WDR70: variants seen among roughly 807,000 people sequenced by gnomAD.
The protein encoded by WDR70 is WD repeat-containing protein 70.
A neutral mutation model predicts 88.6 loss-of-function variants in WDR70; 53 were observed. The observed-to-expected ratio is 0.60, with a 90% confidence interval of 0.48 to 0.75. The LOEUF is 0.75. Ranked by LOEUF, WDR70 falls within the 30% of genes least tolerant of loss-of-function variation. The pLI is 0.00. For synonymous variants in WDR70, 280 were observed against 270.0 expected (o/e 1.04, Z -0.36); for missense variants, 610 against 823.2 (o/e 0.74, Z 3.17).
intron 9 of WDR70, among the ~76,000 whole-genome samples, chr5:37,563,052 ACGGGGCGGCTGGCCGGG>A (rs1259407597): frequency 1.0e-5 from 1 of 96,606 alleles, no homozygotes; most frequent in African/African-American, 3.6e-5. Context: ...CACCTCCCGG[ACGGGGCGGCTGGCCGGG>A]CGGGGGGCTG....
At chr5:37,487,827 T>C (rs1320227046) in intron 8 of WDR70, among the ~76,000 whole-genome samples, 4 of 151,650 alleles carry the variant, frequency 2.6e-5, no homozygotes, top group Non-Finnish European at 1.5e-5. Flanking sequence ...GATTTCACCA[T>C]GTTGGCCAGT....
rs542765642 is a variant in WDR70 at position 37,649,621 on chromosome 5, A to G, written c.1092+44383A>G. ...TGCCTCTGGACTATAGATGTGATAC[A>G]AGTATCTTTTCTGATTGTCTCACTG... On this transcript the variant is annotated intron_variant, in intron 10 of 17. Coordinates refer to ENST00000265107, the MANE Select transcript of WDR70 (RefSeq NM_018034.4). Among the ~76,000 whole-genome samples, 5 of 151,694 alleles carry G rather than the reference A, an allele frequency of 3.3e-5. No homozygotes were observed. In the East Asian group the frequency reaches 9.7e-4, roughly 29 times the overall value.
At chr5:37,396,296 T>C (rs976553003) in intron 4 of WDR70, 79 bp from the exon 5 acceptor site, 2 of 1,441,308 alleles carry the variant, frequency 1.4e-6, no homozygotes, top group African/African-American at 2.9e-5. Context: ...AGGAAAAGTA[T>C]CCTGAGAAAT....
At chr5:37,453,755 C>T (rs1244803287) in intron 7 of WDR70, among the ~76,000 whole-genome samples, 1 of 152,000 alleles carries the variant, frequency 6.6e-6, no homozygotes, top group Non-Finnish European at 1.5e-5. Flanking sequence ...TTTTTGCTTC[C>T]CTCTGTAACT....
intron 7 of WDR70, among the ~76,000 whole-genome samples, chr5:37,451,702 A>T (rs1738679559): frequency 6.6e-6 from 1 of 152,160 alleles, no homozygotes; most frequent in Admixed American, 6.6e-5. Flanking sequence ...TTTTTAAATG[A>T]AGAAAAAGTG....
chr5:37,594,958 T>C (rs1743657442), intron 9 of WDR70, among the ~76,000 whole-genome samples: 1 of 152,218 alleles, frequency 6.6e-6, no homozygotes, highest in Non-Finnish European at 1.5e-5. Flanking sequence ...TATTTGTGTA[T>C]AGGAATGCTT....
chr5:37,589,267 C>A (rs1002853243), intron 9 of WDR70, among the ~76,000 whole-genome samples: 14 of 151,302 alleles, frequency 9.3e-5, no homozygotes, highest in African/African-American at 3.2e-4. Flanking sequence ...CACACACACA[C>A]ACACACACAC....
chr5:37,541,426 G>C (rs1741811351), intron 9 of WDR70, among the ~76,000 whole-genome samples: 1 of 152,094 alleles, frequency 6.6e-6, no homozygotes, highest in Non-Finnish European at 1.5e-5. Context: ...TGAATAACTT[G>C]CTAATACTTA....
chr5:37,439,909 GTTTCTGAATGTGCACACGTACACTC>G (rs1455890916), intron 6 of WDR70, among the ~76,000 whole-genome samples: 2 of 151,842 alleles, frequency 1.3e-5, no homozygotes, highest in Non-Finnish European at 2.9e-5. Flanking sequence ...ATATTGGGCT[GTTTCTGAATGTGCACACGTACACTC>G]TTTCTGAATG....
At chr5:37,449,730 A>G (rs1313268294) in intron 7 of WDR70, among the ~76,000 whole-genome samples, 1 of 151,882 alleles carries the variant, frequency 6.6e-6, no homozygotes, top group East Asian at 1.9e-4. Flanking sequence ...AGCAAATAAG[A>G]TCTAGGTTCT....
At chr5:37,591,688 G>A (rs1743535316) in intron 9 of WDR70, among the ~76,000 whole-genome samples, 1 of 152,024 alleles carries the variant, frequency 6.6e-6, no homozygotes, top group South Asian at 2.1e-4. Flanking sequence ...ATTTTATAAG[G>A]CCAACATTAC....
At chr5:37,388,465 C>T (rs1484155587) in intron 3 of WDR70, among the ~76,000 whole-genome samples, 2 of 139,732 alleles carry the variant, frequency 1.4e-5, no homozygotes, top group South Asian at 2.4e-4. Context: ...AGGCTGGGGA[C>T]AGTGGCTCAT....
Position 37,584,940 on chromosome 5 carries a change from C to G in WDR70, c.918-20124C>G, listed in dbSNP as rs1743322111. Among the ~76,000 whole-genome samples the G allele has an allele frequency of 2.0e-5, 3 of 150,456 alleles. No homozygotes were observed. In the Admixed American group the frequency reaches 2.0e-4, roughly 10 times the overall value. On this transcript the variant is annotated intron_variant, in intron 9 of 17. Transcript: ENST00000265107. Reference sequence around the variant, plus strand: ...AGAAGGTAGTAACGTGGCATTACTTCTTAACATAAATAAAAAACAGTCATC... The same window carrying G: ...AGAAGGTAGTAACGTGGCATTACTTGTTAACATAAATAAAAAACAGTCATC...
At chr5:37,599,921 G>A (rs1743816970) in intron 9 of WDR70, among the ~76,000 whole-genome samples, 1 of 151,542 alleles carries the variant, frequency 6.6e-6, no homozygotes, top group African/African-American at 2.4e-5. Flanking sequence ...AGGTGTATTT[G>A]GAGCCTTACT....
chr5:37,729,316 C>T (rs1020382931), intron 17 of WDR70, among the ~76,000 whole-genome samples: 2 of 152,244 alleles, frequency 1.3e-5, no homozygotes, highest in African/African-American at 4.8e-5. Flanking sequence ...GCTTCTAGGT[C>T]CTTTCTGCTG....
chr5:37,706,362 A>G (rs1340277189), intron 13 of WDR70, among the ~76,000 whole-genome samples: 1 of 152,156 alleles, frequency 6.6e-6, no homozygotes, highest in Non-Finnish European at 1.5e-5. Flanking sequence ...CAAATTATAC[A>G]CTGAAATGAT....
At chr5:37,523,921 G>A (rs940874426) in intron 9 of WDR70, among the ~76,000 whole-genome samples, 1 of 152,094 alleles carries the variant, frequency 6.6e-6, no homozygotes, top group African/African-American at 2.4e-5. Context: ...GAGAAGAGAC[G>A]TTTAGAGAAA....
intron 9 of WDR70, among the ~76,000 whole-genome samples, chr5:37,559,947 T>C (rs1367137008): frequency 6.6e-6 from 1 of 152,170 alleles, no homozygotes; most frequent in African/African-American, 2.4e-5. Flanking sequence ...TTTAAAAATG[T>C]CACCTGTTTT....
chr5:37,433,752 A>G (rs1337249596), intron 5 of WDR70, among the ~76,000 whole-genome samples: 3 of 152,124 alleles, frequency 2.0e-5, no homozygotes, highest in Admixed American at 2.0e-4. Context: ...CTAACCACCT[A>G]CTTTCTTAGG....
Sources: gnomAD v4.1 joint callset for allele counts (sites outside exome capture counted in the v4.1 genomes callset) on GRCh38, gnomAD v4.1.1 for gene constraint, MANE v1.5 for transcripts, NCBI Gene and HGNC (gene_info 2026-07-23, HGNC 2026-07-21) for gene names.